Variants in RPH3A observed in about 807,000 individuals in gnomAD.
RPH3A encodes rabphilin-3A.
A neutral mutation model predicts 102.2 loss-of-function variants in RPH3A; 48 were observed. The observed-to-expected ratio is 0.47, with a 90% CI of 0.37 to 0.60. RPH3A has a LOEUF of 0.60. Ranked by LOEUF, RPH3A falls within the 20% of genes least tolerant of loss-of-function variation. The pLI is 0.00. For missense variants in RPH3A, 781 were observed against 910.1 expected (o/e 0.86, Z 1.83); for synonymous variants, 310 against 324.3 (o/e 0.96, Z 0.47).
chr12:112,687,444 G>A (rs11066383), intron 1 of RPH3A, among the ~76,000 whole-genome samples: 20,718 of 152,140 alleles, frequency 0.14, 1,628 homozygotes, highest in South Asian at 0.31. Flanking sequence ...TTTCCCAAAG[G>A]CCCTATTGGC....
At chr12:112,586,545 T>G (rs1445370761) in intron 1 of RPH3A, among the ~76,000 whole-genome samples, 4 of 151,940 alleles carry the variant, frequency 2.6e-5, no homozygotes, top group African/African-American at 9.7e-5. Context: ...GCTAAGAGTA[T>G]TACAAGAAGA....
chr12:112,889,897 A>G, intron 17 of RPH3A, 127 bp from the exon 18 acceptor site: 4 of 797,934 alleles, frequency 5.0e-6, no homozygotes, highest in Middle Eastern at 2.3e-4. Context: ...GGAGAGCCAC[A>G]GTAGCTTAAG....
At chr12:112,788,438 A>G (rs1392219827), upstream of RPH3A, among the ~76,000 whole-genome samples, 1 of 152,194 alleles carries the variant, frequency 6.6e-6, no homozygotes, top group Non-Finnish European at 1.5e-5. Flanking sequence ...TGACAGGGTC[A>G]TGAAAACACA....
rs1015996987 is a variant in RPH3A at position 112,860,916 on chromosome 12, G to C, written c.231-4498G>C. Among the ~76,000 whole-genome samples the C allele has an allele frequency of 5.3e-5, 8 of 152,272 alleles. No individual in the cohort carries two copies. In the East Asian group the frequency reaches 1.5e-3, roughly 29 times the overall value. ...TCCCCCGCCTCCATGAGCCCACTTC[G>C]TTGTCTCATAAAATTTTATAATTCT... On this transcript the variant is annotated intron_variant, in intron 5 of 21. Coordinates refer to ENST00000389385, the MANE Select transcript of RPH3A (RefSeq NM_001143854.2).
intron 1 of RPH3A, among the ~76,000 whole-genome samples, chr12:112,778,684 A>T (rs1300849776): frequency 6.6e-6 from 1 of 152,212 alleles, no homozygotes; most frequent in Non-Finnish European, 1.5e-5. Context: ...TCTTTTGCAT[A>T]GGCGTCAACT....
intron 1 of RPH3A, among the ~76,000 whole-genome samples, chr12:112,601,620 G>A (rs1217167116): frequency 1.3e-5 from 2 of 152,128 alleles, no homozygotes; most frequent in Non-Finnish European, 2.9e-5. Context: ...TAAAGTTAGG[G>A]ATAAACATTA....
chr12:112,700,627 T>C (rs2040387333), intron 1 of RPH3A, among the ~76,000 whole-genome samples: 1 of 152,202 alleles, frequency 6.6e-6, no homozygotes, highest in Admixed American at 6.5e-5. Context: ...TTGTTGGACA[T>C]TTTCCACATG....
chr12:112,843,349 C>T (rs917411653), intron 4 of RPH3A, among the ~76,000 whole-genome samples: 15 of 152,166 alleles, frequency 9.9e-5, no homozygotes, highest in Admixed American at 4.6e-4. Flanking sequence ...GACCAATCGG[C>T]GACATTTTCA....
chr12:112,603,722 C>A (rs935048468), intron 1 of RPH3A, among the ~76,000 whole-genome samples: 3 of 152,146 alleles, frequency 2.0e-5, no homozygotes, highest in Admixed American at 2.0e-4. Flanking sequence ...TGAATCTGTT[C>A]TCTTAACCAT....
intron 3 of RPH3A, among the ~76,000 whole-genome samples, chr12:112,835,105 A>T (rs1003181301): frequency 7.2e-5 from 11 of 151,992 alleles, no homozygotes; most frequent in Non-Finnish European, 1.2e-4. Flanking sequence ...CCACCCATAT[A>T]CTCCACAGCA....
At chr12:112,890,500 A>G (rs961477170) in intron 18 of RPH3A, among the ~76,000 whole-genome samples, 6 of 152,262 alleles carry the variant, frequency 3.9e-5, no homozygotes, top group African/African-American at 1.4e-4. Flanking sequence ...GTGTTAAGGG[A>G]GTCTGAGATC....
intron 1 of RPH3A, among the ~76,000 whole-genome samples, chr12:112,610,506 TAA>T (rs574202389): frequency 1.2e-3 from 113 of 95,368 alleles, no homozygotes; most frequent in Admixed American, 1.4e-3. Flanking sequence ...CTGTCTCAAT[TAA>T]AAAAAAAAAA....
chr12:112,615,372 G>A (rs1052017093), intron 1 of RPH3A, among the ~76,000 whole-genome samples: 1 of 152,130 alleles, frequency 6.6e-6, no homozygotes, highest in Non-Finnish European at 1.5e-5. Flanking sequence ...TTCCCCACAC[G>A]CACTGCCAGC....
At chr12:112,821,089 C>T (rs12229005) in intron 2 of RPH3A, among the ~76,000 whole-genome samples, 5 of 152,088 alleles carry the variant, frequency 3.3e-5, no homozygotes, top group East Asian at 3.9e-4. Flanking sequence ...ACCGTCTGGA[C>T]GGGACTGGAT....
At chr12:112,711,108 CACA>C (rs1319519735) in intron 1 of RPH3A, among the ~76,000 whole-genome samples, 3 of 152,200 alleles carry the variant, frequency 2.0e-5, no homozygotes, top group Non-Finnish European at 4.4e-5. Flanking sequence ...ATCCTCCTAT[CACA>C]ACATTTCTTT....
At chr12:112,788,167 G>C (rs2041063992), upstream of RPH3A, among the ~76,000 whole-genome samples, 1 of 152,156 alleles carries the variant, frequency 6.6e-6, no homozygotes, top group Non-Finnish European at 1.5e-5. Context: ...GGGCAGGATG[G>C]GGCAAGGTCC....
At chr12:112,771,379 C>T (rs1222694438) in intron 1 of RPH3A, among the ~76,000 whole-genome samples, 1 of 152,158 alleles carries the variant, frequency 6.6e-6, no homozygotes, top group African/African-American at 2.4e-5. Context: ...CAATTCAGTT[C>T]ATTTAAACTT....
At position 112,875,178 on chromosome 12, in the gene RPH3A, C is replaced by T. The variant is rs867547725; in HGVS notation, c.883+8C>T. The stretch of plus-strand genomic sequence containing the variant: ...CTCAGCCTGGGCAGCCAGGTACCTG[C>T]CACTCACCTGCTAGCACCTGCCCAG... On this transcript the variant is annotated splice_region_variant and intron_variant, in intron 11 of 21. Transcript: ENST00000389385. The T allele has an allele frequency of 6.3e-7, 1 of 1,593,846 alleles. No individual in the cohort carries two copies. Among genetic ancestry groups the T allele is most frequent in the Admixed American group, 1.7e-5 (1 of 57,814 alleles).
intron 1 of RPH3A, among the ~76,000 whole-genome samples, chr12:112,654,019 T>C (rs1489110329): frequency 6.6e-6 from 1 of 152,218 alleles, no homozygotes; most frequent in Non-Finnish European, 1.5e-5. Context: ...ATCGTTACCT[T>C]CCACTTCACA....
Sources: gnomAD v4.1 joint callset for allele counts (sites outside exome capture counted in the v4.1 genomes callset) on GRCh38, gnomAD v4.1.1 for gene constraint, MANE v1.5 for transcripts, NCBI Gene and HGNC (gene_info 2026-07-23, HGNC 2026-07-21) for gene names.